The following NUBPL variants were observed in gnomAD, a reference collection of about 807,000 sequenced individuals.
The protein encoded by NUBPL is iron-sulfur cluster transfer protein NUBPL.
In NUBPL, 31 loss-of-function variants were observed where a neutral mutation model predicts 45.7. The ratio of observed to expected loss-of-function variants is 0.68; its 90% CI spans 0.51 to 0.92. The LOEUF (loss-of-function observed/expected upper bound fraction) is 0.92. Among genes scored for constraint, NUBPL ranks in the 40% least tolerant of loss-of-function variants. The pLI is 0.00. For synonymous variants in NUBPL, 144 were observed against 140.9 expected (o/e 1.02, Z -0.15); for missense variants, 401 against 398.7 (o/e 1.01, Z -0.05).
At chr14:31,838,279 C>CAAAAAAAAAAAAAA (rs748313330) in intron 8 of NUBPL, among the ~76,000 whole-genome samples, 139 of 60,192 alleles carry the variant, frequency 2.3e-3, no homozygotes, top group Non-Finnish European at 4.1e-3. Context: ...TAATATCCAG[C>CAAAAAAAAAAAAAA]AAAAAAAAAA....
At chr14:31,749,339 C>G (rs577189928) in intron 6 of NUBPL, among the ~76,000 whole-genome samples, 1 of 152,196 alleles carries the variant, frequency 6.6e-6, no homozygotes, top group South Asian at 2.1e-4. Flanking sequence ...AGTTATTGTC[C>G]TTTTGCTTCC....
intron 4 of NUBPL, among the ~76,000 whole-genome samples, chr14:31,619,689 C>T (rs866564478): frequency 2.0e-5 from 3 of 152,146 alleles, no homozygotes; most frequent in South Asian, 2.1e-4. Context: ...GTGGGTAACC[C>T]GGCCTTTCTC....
chr14:31,676,973 G>A (rs1302173202), intron 6 of NUBPL, among the ~76,000 whole-genome samples: 1 of 150,832 alleles, frequency 6.6e-6, no homozygotes, highest in Admixed American at 6.6e-5. Context: ...AGAAATCTTT[G>A]CCTGTTTACC....
intron 8 of NUBPL, chr14:31,843,905 A>G (rs565854145): frequency 7.2e-5 from 11 of 152,226 alleles, no homozygotes; most frequent in African/African-American, 2.2e-4. Flanking sequence ...TGTTCAGTCA[A>G]TTTCCTCCAA....
chr14:31,694,222 G>A (rs2037164261), intron 6 of NUBPL, among the ~76,000 whole-genome samples: 1 of 152,150 alleles, frequency 6.6e-6, no homozygotes, highest in South Asian at 2.1e-4. Context: ...GGAGCTTAAT[G>A]TGAAGCTAAG....
chr14:31,763,965 C>T (rs1176592099), intron 6 of NUBPL, among the ~76,000 whole-genome samples: 2 of 152,126 alleles, frequency 1.3e-5, no homozygotes, highest in Non-Finnish European at 2.9e-5. Context: ...GGTACTGAAA[C>T]TAAGGCAGAC....
intron 7 of NUBPL, among the ~76,000 whole-genome samples, chr14:31,817,175 A>C (rs1225620306): frequency 6.6e-6 from 1 of 152,146 alleles, no homozygotes; most frequent in African/African-American, 2.4e-5. Flanking sequence ...GAAACATGTG[A>C]AAAGACCAAA....
chr14:31,583,208 G>T (rs975440926), intron 3 of NUBPL, among the ~76,000 whole-genome samples: 2 of 152,222 alleles, frequency 1.3e-5, no homozygotes, highest in Non-Finnish European at 2.9e-5. Context: ...ATCAAAGGTG[G>T]CAGAGAGGGT....
chr14:31,773,608 C>T (rs1198629575), intron 6 of NUBPL, among the ~76,000 whole-genome samples: 2 of 152,166 alleles, frequency 1.3e-5, no homozygotes, highest in African/African-American at 2.4e-5. Flanking sequence ...AAAATTTGTC[C>T]ACCAGGTTAG....
intron 7 of NUBPL, among the ~76,000 whole-genome samples, chr14:31,813,284 G>A (rs1217767407): frequency 1.3e-5 from 2 of 152,018 alleles, no homozygotes; most frequent in African/African-American, 4.8e-5. Context: ...ACCGTGCCCA[G>A]CCAGCTCTGG....
chr14:31,635,797 G>A (rs1224466485), intron 4 of NUBPL, among the ~76,000 whole-genome samples: 3 of 151,572 alleles, frequency 2.0e-5, no homozygotes, highest in African/African-American at 4.8e-5. Flanking sequence ...CCTTGAAGAG[G>A]TCCTTCACAT....
At chr14:31,790,838 G>GAGAC (rs2039368176) in intron 7 of NUBPL, among the ~76,000 whole-genome samples, 1 of 152,084 alleles carries the variant, frequency 6.6e-6, no homozygotes, top group Non-Finnish European at 1.5e-5. Context: ...GCGACAAAGT[G>GAGAC]AGACTGTCTT....
chr14:31,618,518 G>T (rs912551965), intron 4 of NUBPL, among the ~76,000 whole-genome samples: 6 of 152,094 alleles, frequency 3.9e-5, no homozygotes, highest in African/African-American at 1.4e-4. Flanking sequence ...CTTTATTTCT[G>T]CCTTCATTTC....
At chr14:31,593,537 A>AG in intron 3 of NUBPL, among the ~76,000 whole-genome samples, 1 of 147,486 alleles carries the variant, frequency 6.8e-6, no homozygotes, top group Non-Finnish European at 1.5e-5. Flanking sequence ...AAAAAAAAAA[A>AG]GAGTGAGGGT....
chr14:31,608,485 C>T (rs918907324), intron 4 of NUBPL, among the ~76,000 whole-genome samples: 2 of 151,840 alleles, frequency 1.3e-5, no homozygotes, highest in African/African-American at 4.8e-5. Flanking sequence ...ACCCAGGAGG[C>T]AGAGGTTGCA....
intron 6 of NUBPL, among the ~76,000 whole-genome samples, chr14:31,738,995 A>C (rs1313796398): frequency 6.6e-6 from 1 of 151,090 alleles, no homozygotes; most frequent in Non-Finnish European, 1.5e-5. Context: ...ACATATGTAG[A>C]GTGTAGAGTT....
intron 8 of NUBPL, among the ~76,000 whole-genome samples, chr14:31,840,902 A>G (rs2040360691): frequency 1.3e-5 from 2 of 152,198 alleles, no homozygotes; most frequent in African/African-American, 4.8e-5. Flanking sequence ...AACACTATAG[A>G]TTAGTTTTGC....
intron 8 of NUBPL, among the ~76,000 whole-genome samples, chr14:31,831,032 T>C (rs2040180593): frequency 7.0e-6 from 1 of 143,224 alleles, no homozygotes; most frequent in African/African-American, 2.5e-5. Context: ...GGTGCCCTAA[T>C]CCTTTTTATT....
intron 6 of NUBPL, among the ~76,000 whole-genome samples, chr14:31,694,499 C>G (rs550316892): frequency 6.6e-6 from 1 of 152,238 alleles, no homozygotes. Flanking sequence ...TGTCATCTTA[C>G]AGCAACATAC....
Sources: allele counts gnomAD v4.1 joint callset (sites outside exome capture counted in the v4.1 genomes callset), GRCh38; gene constraint gnomAD v4.1.1; transcripts MANE v1.5; gene names NCBI Gene and HGNC (gene_info 2026-07-23, HGNC 2026-07-21).